GNPTAB: variants seen among roughly 807,000 people sequenced by gnomAD.
The protein encoded by GNPTAB is N-acetylglucosamine-1-phosphotransferase subunits alpha/beta.
GNPTAB carries 92 observed loss-of-function variants against 136.6 expected under a neutral mutation model. That is an observed-to-expected ratio of 0.67 (90% CI 0.57 to 0.80). The LOEUF (loss-of-function observed/expected upper bound fraction) is 0.80, where lower values mean the gene tolerates loss of function less well. GNPTAB is among the 30% of genes least tolerant of loss of function. GNPTAB has a pLI of 0.00. For missense variants in GNPTAB, 1,343 were observed against 1,501.8 expected, an observed-to-expected ratio of 0.89 and a Z score of 1.75; for synonymous variants, 512 against 535.1, an observed-to-expected ratio of 0.96 and a Z score of 0.60.
At position 101,812,938 on chromosome 12, in the gene GNPTAB, G is replaced by T. The variant is rs182761398; in HGVS notation, c.118-16176C>A. Among the ~76,000 whole-genome samples, 410 of 152,016 alleles carry T rather than the reference G, an allele frequency of 2.7e-3. 2 individuals are homozygous for T. Among genetic ancestry groups the T allele is most frequent in the African/African-American group, 9.1e-3 (379 of 41,462 alleles). On this transcript the variant is annotated intron_variant, in intron 1 of 20. Coordinates refer to ENST00000299314, the MANE Select transcript of GNPTAB (RefSeq NM_024312.5). ...TCCCACCTCAGCCTCTGAGTAGCTG[G>T]GACTACAAACATGTGCCACCATGCC...
At chr12:101,788,913 C>T (rs1198641531) in intron 3 of GNPTAB, among the ~76,000 whole-genome samples, 1 of 152,200 alleles carries the variant, frequency 6.6e-6, no homozygotes, top group South Asian at 2.1e-4. Flanking sequence ...TTATGGCTAT[C>T]CAGAAGTCCG....
chr12:101,818,404 G>A (rs574573110), intron 1 of GNPTAB, among the ~76,000 whole-genome samples: 2 of 144,922 alleles, frequency 1.4e-5, no homozygotes, highest in South Asian at 4.3e-4. Context: ...TGGAGACAGA[G>A]TCTTACTCTG....
chr12:101,798,854 C>T (rs776108344), intron 1 of GNPTAB, among the ~76,000 whole-genome samples: 1 of 152,208 alleles, frequency 6.6e-6, no homozygotes, highest in Middle Eastern at 3.4e-3. Context: ...TAGTGCAATA[C>T]CGTAAACTGC....
In GNPTAB at chr12:101,789,895, C is replaced by A. The variant is rs777816828; in HGVS notation, c.323+43G>T. On this transcript the variant is annotated intron_variant, in intron 3 of 20. Coordinates refer to ENST00000299314, the MANE Select transcript of GNPTAB (RefSeq NM_024312.5). The stretch of plus-strand genomic sequence containing the variant: ...GTGCCACCCTCAGACCTTATTACAT[C>A]GCCACATTACCCATCTGATGTGAAA... The A allele has an allele frequency of 3.2e-6, 5 of 1,581,242 alleles. No individual in the cohort carries two copies. The Admixed American group carries it at 6.7e-5, about 21-fold the overall frequency.
chr12:101,830,885 G>A lies in GNPTAB; in HGVS notation c.-210C>T, dbSNP rs1387729859. 6.7e-6 allele frequency: 1 copy of A among 148,456 alleles called. No homozygotes were observed. The highest frequency in any genetic ancestry group is 2.4e-5 in the African/African-American group (1 of 40,986). 9.2% of individuals were successfully genotyped at this position (148,456 alleles called of 1,614,324 possible). ...CCGGGAGCCGGGAGCCCACGCCCTCGGCGCGGCGGAGGCGGACCTGCGGCC... is the reference window on the plus strand; with the variant it reads ...CCGGGAGCCGGGAGCCCACGCCCTCAGCGCGGCGGAGGCGGACCTGCGGCC... On this transcript the variant is annotated 5_prime_UTR_variant, in exon 1 of 21. Transcript: ENST00000299314.
At chr12:101,822,338 C>CG (rs949879247) in intron 1 of GNPTAB, among the ~76,000 whole-genome samples, 4 of 151,980 alleles carry the variant, frequency 2.6e-5, no homozygotes, top group African/African-American at 9.7e-5. Context: ...GCGTGAACCC[C>CG]GGGGGGCGGA....
chr12:101,783,691 G>C (rs1470168264), intron 5 of GNPTAB, among the ~76,000 whole-genome samples: 4 of 151,700 alleles, frequency 2.6e-5, no homozygotes, highest in Non-Finnish European at 4.4e-5. Flanking sequence ...ACTTGGAAAG[G>C]TTAACATTTC....
At chr12:101,765,918 T>A in intron 12 of GNPTAB, 173 bp downstream of exon 12, 2 of 641,760 alleles carry the variant, frequency 3.1e-6, no homozygotes, top group Non-Finnish European at 5.6e-6. Flanking sequence ...CAGGAAAAGA[T>A]CCTCTTCAGT....
chr12:101,760,098 G>C lies in GNPTAB; in HGVS notation c.3181C>G (p.Leu1061Val). Residue 1061 changes from leucine to valine, a missense_variant, in exon 16 of 21, where the codon CTT (leucine) becomes GTT (valine). Coordinates refer to ENST00000299314, the MANE Select transcript of GNPTAB (RefSeq NM_024312.5). Reference protein sequence around the residue: ...EHMLINCSKMLPADITQLNNI... With the variant: ...EHMLINCSKMVPADITQLNNI... ...TTTAGCTGCGTGATATCAGCAGGAAGCATTTTTGAGCAATTTATTAGCATG... is the reference window on the plus strand; with the variant it reads ...TTTAGCTGCGTGATATCAGCAGGAACCATTTTTGAGCAATTTATTAGCATG... The C allele has an allele frequency of 1.2e-6, 2 of 1,613,408 alleles. No homozygotes were observed. Among genetic ancestry groups the C allele is most frequent in the Non-Finnish European group, 8.5e-7 (1 of 1,179,372 alleles).
rs774147213 is a variant in GNPTAB, at chr12:101,780,599, C to T, written c.594G>A (p.Leu198=). 9 of 1,611,284 alleles carry T rather than the reference C, an allele frequency of 5.6e-6. No homozygotes were observed. In the South Asian group the frequency reaches 7.7e-5, roughly 14 times the overall value. The change falls in exon 6 of 21, where the codon CTG becomes CTA. Residue 198 remains leucine (L), a synonymous_variant. Transcript: ENST00000299314. Reference sequence around the variant, plus strand: ...CTGTCTGTCTGCTATTTCCTTTAAGCAGTCCAGAGTGGGCATCTTCAACTA... The same window carrying T: ...CTGTCTGTCTGCTATTTCCTTTAAGTAGTCCAGAGTGGGCATCTTCAACTA... ...TKDVEDAHSG[L]LKGNSRQTVW...
chr12:101,748,651 A>G (rs936587524), intron 20 of GNPTAB, among the ~76,000 whole-genome samples: 2 of 152,184 alleles, frequency 1.3e-5, no homozygotes, highest in African/African-American at 4.8e-5. Flanking sequence ...CTAGCGATTG[A>G]AAGAAAGATA....
chr12:101,823,148 T>C (rs990022489), intron 1 of GNPTAB, among the ~76,000 whole-genome samples: 1 of 152,158 alleles, frequency 6.6e-6, no homozygotes, highest in African/African-American at 2.4e-5. Flanking sequence ...CTCTCAAAAG[T>C]TGGAGGAACA....
At chr12:101,802,199 TA>T (rs112485347) in intron 1 of GNPTAB, among the ~76,000 whole-genome samples, 21,572 of 107,926 alleles carry the variant, frequency 0.2, 1,641 homozygotes, top group African/African-American at 0.26. Flanking sequence ...CCCTGTCTCT[TA>T]AAAAAAAAAA....
intron 15 of GNPTAB, among the ~76,000 whole-genome samples, chr12:101,760,515 C>T (rs1952976946): frequency 6.6e-6 from 1 of 152,108 alleles, no homozygotes; most frequent in Non-Finnish European, 1.5e-5. Context: ...CAGCTAGCCA[C>T]ACCTGAAGTC....
intron 1 of GNPTAB, among the ~76,000 whole-genome samples, chr12:101,824,849 G>A (rs1292444362): frequency 6.6e-6 from 1 of 152,056 alleles, no homozygotes; most frequent in Non-Finnish European, 1.5e-5. Flanking sequence ...ACCTAGTGCT[G>A]TTAACTAATT....
At chr12:101,787,889 G>A (rs1594235782) in intron 4 of GNPTAB, among the ~76,000 whole-genome samples, 1 of 120,844 alleles carries the variant, frequency 8.3e-6, no homozygotes, top group African/African-American at 3.3e-5. Flanking sequence ...CTCCAGCCTG[G>A]ACAACAAGAG....
At chr12:101,768,533 G>A (rs1953127496) in intron 10 of GNPTAB, among the ~76,000 whole-genome samples, 1 of 152,206 alleles carries the variant, frequency 6.6e-6, no homozygotes, top group African/African-American at 2.4e-5. Flanking sequence ...AGTATGCACA[G>A]TCACTGCTTT....
intron 1 of GNPTAB, among the ~76,000 whole-genome samples, chr12:101,809,344 A>T (rs1870102833): frequency 6.6e-6 from 1 of 152,240 alleles, no homozygotes; most frequent in Admixed American, 6.5e-5. Flanking sequence ...TGGGAATTCA[A>T]ATGGTGCAGC....
chr12:101,790,220 TG>T (rs1379965079), intron 2 of GNPTAB, among the ~76,000 whole-genome samples, 163 bp from the exon 3 acceptor site: 2 of 152,190 alleles, frequency 1.3e-5, no homozygotes, highest in Non-Finnish European at 2.9e-5. Context: ...AAACTGTAGC[TG>T]GGGGGCTAAT....
Sources: allele counts gnomAD v4.1 joint callset (sites outside exome capture counted in the v4.1 genomes callset), GRCh38; gene constraint gnomAD v4.1.1; transcripts MANE v1.5; gene names NCBI Gene and HGNC (gene_info 2026-07-23, HGNC 2026-07-21).